G2E3: variants seen among roughly 807,000 people sequenced by gnomAD.
G2E3 encodes G2/M phase-specific E3 ubiquitin-protein ligase.
Under a neutral mutation model 92.8 loss-of-function variants are expected in G2E3, and 35 were observed. That is an observed-to-expected ratio of 0.38 (90% confidence interval 0.29 to 0.50). G2E3 has a LOEUF of 0.50. Ranked by LOEUF, G2E3 falls within the 20% of genes least tolerant of loss-of-function variation. G2E3 has a pLI of 0.94. For missense variants in G2E3, 554 were observed against 823.8 expected (o/e 0.67, Z 4.01); for synonymous variants, 242 against 272.4 (o/e 0.89, Z 1.10).
chr14:30,590,828 T>C (rs1880969422), intron 4 of G2E3: 1 of 446,448 alleles, frequency 2.2e-6, no homozygotes, highest in Non-Finnish European at 4.5e-6. Flanking sequence ...AAAGGTGGTC[T>C]CTAAAGGTCC....
chr14:30,578,414 CA>C (rs1475592977), intron 1 of G2E3, among the ~76,000 whole-genome samples: 1 of 152,178 alleles, frequency 6.6e-6, no homozygotes, highest in African/African-American at 2.4e-5. Flanking sequence ...GTCAGCCTAA[CA>C]CCACCAGGGA....
intron 4 of G2E3, chr14:30,590,795 C>T (rs1449798927): frequency 2.2e-6 from 1 of 454,142 alleles, no homozygotes; most frequent in South Asian, 1.6e-5. Context: ...CCTAAACTTC[C>T]TGGTGATAGT....
intron 1 of G2E3, among the ~76,000 whole-genome samples, chr14:30,563,916 G>A (rs546127074): frequency 2.0e-5 from 3 of 151,986 alleles, no homozygotes; most frequent in South Asian, 2.1e-4. Flanking sequence ...ACAGGGTTTC[G>A]CCATGTTGGT....
chr14:30,560,500 G>A (rs756492198), intron 1 of G2E3: 26 of 341,772 alleles, frequency 7.6e-5, no homozygotes, highest in Admixed American at 1.8e-4. Context: ...TTAAATACTC[G>A]GTGTTTAGGA....
chr14:30,611,820 CTT>C (rs33919348), intron 12 of G2E3: 12 of 151,976 alleles, frequency 7.9e-5, no homozygotes, highest in South Asian at 5.6e-4. Context: ...CACACCAGGC[CTT>C]TTTTTTTTTT....
chr14:30,590,766 A>C (rs1880963126), intron 4 of G2E3: 2 of 455,568 alleles, frequency 4.4e-6, no homozygotes, highest in Non-Finnish European at 8.8e-6. Flanking sequence ...GTTAAACGTG[A>C]GATATTAGTA....
rs544544188 is a variant in G2E3 at position 30,574,939 on chromosome 14, C to G, written c.-4-6137C>G. Among the ~76,000 whole-genome samples, 14 of 152,236 alleles carry G rather than the reference C, an allele frequency of 9.2e-5. No individual in the cohort carries two copies. In the East Asian group the frequency reaches 1.9e-3, roughly 21 times the overall value. Reference sequence around the variant, plus strand: ...GATTTATAGTCCTCTGGCTATATACCCAGTAATGAGATTGCTGGGTAAAAT... The same window carrying G: ...GATTTATAGTCCTCTGGCTATATACGCAGTAATGAGATTGCTGGGTAAAAT... On this transcript the variant is annotated intron_variant, in intron 1 of 14. Coordinates refer to ENST00000206595, the MANE Select transcript of G2E3 (RefSeq NM_017769.5).
chr14:30,585,499 T>C (rs1880660893), intron 2 of G2E3, among the ~76,000 whole-genome samples: 1 of 152,164 alleles, frequency 6.6e-6, no homozygotes. Flanking sequence ...ACTCTTCTTT[T>C]TCATTGATCT....
Position 30,608,042 on chromosome 14 carries a change from C to T in G2E3, c.1473C>T (p.Asp491=), listed in dbSNP as rs759532611. Residue 491 remains aspartate (D), a synonymous_variant, in exon 12 of 15, where the codon GAC becomes GAT. Transcript: ENST00000206595. ...AGCCAATTTTAGATGATGTTTCAGA[C>T]TTTGATGTGGCACAGATTATAATCA... The part of the protein sequence containing the change: ...NTQPILDDVS[D]FDVAQIIIRI... The T allele has an allele frequency of 5.7e-6, 9 of 1,589,334 alleles. No homozygotes were observed. The highest frequency in any genetic ancestry group is 1.8e-5 in the Admixed American group (1 of 54,572).
intron 11 of G2E3, 36 bp from the exon 12 acceptor site, chr14:30,607,852 G>T: frequency 9.2e-7 from 1 of 1,092,352 alleles, no homozygotes; most frequent in Non-Finnish European, 1.3e-6. Flanking sequence ...TATAATAATA[G>T]AAGTGTATTT....
intron 5 of G2E3, among the ~76,000 whole-genome samples, chr14:30,592,901 G>A (rs1881089963): frequency 6.6e-6 from 1 of 152,036 alleles, no homozygotes; most frequent in African/African-American, 2.4e-5. Context: ...TGCTTCCTGA[G>A]TACAACTTTA....
chr14:30,595,650 G>A (rs1881241931), intron 6 of G2E3, among the ~76,000 whole-genome samples: 1 of 152,186 alleles, frequency 6.6e-6, no homozygotes, highest in Non-Finnish European at 1.5e-5. Context: ...CTCGATTAGA[G>A]CATACTAAGG....
rs1164629994 is a variant in G2E3 at position 30,559,208 on chromosome 14, C to G, written c.-69C>G. The G allele has an allele frequency of 1.3e-5, 2 of 152,490 alleles. No individual in the cohort carries two copies. Among genetic ancestry groups the G allele is most frequent in the East Asian group, 1.9e-4 (1 of 5,202 alleles). The allele number at this position is 152,490 out of a possible 1,614,324, so 9.4% of individuals were successfully genotyped here. The stretch of plus-strand genomic sequence containing the variant: ...ATGTGGCTGCTCGCGGTCGGCGTGC[C>G]CCGACGTACAGCGGGCCGGGAAAAG... On this transcript the variant is annotated 5_prime_UTR_variant, in exon 1 of 15. Transcript: ENST00000206595.
chr14:30,572,342 GAACGTTTGTAGAT>G (rs1220224645), intron 1 of G2E3, among the ~76,000 whole-genome samples: 2 of 152,122 alleles, frequency 1.3e-5, no homozygotes, highest in Non-Finnish European at 2.9e-5. Context: ...AGACTAAGGT[GAACGTTTGTAGAT>G]TCCCTTCGCT....
intron 13 of G2E3, among the ~76,000 whole-genome samples, chr14:30,613,044 T>C (rs1882164811): frequency 6.6e-6 from 1 of 152,220 alleles, no homozygotes; most frequent in Non-Finnish European, 1.5e-5. Flanking sequence ...GTAATACATA[T>C]ATTGACCGTT....
intron 2 of G2E3, among the ~76,000 whole-genome samples, chr14:30,583,512 C>T (rs7160985): frequency 0.056 from 8,588 of 152,114 alleles, 312 homozygotes; most frequent in African/African-American, 0.088. Flanking sequence ...TGGTTACCAG[C>T]GGTTGGGAGG....
At chr14:30,613,697 T>C (rs1410298258) in intron 13 of G2E3, among the ~76,000 whole-genome samples, 1 of 150,916 alleles carries the variant, frequency 6.6e-6, no homozygotes, top group Non-Finnish European at 1.5e-5. Context: ...TAATCTATTT[T>C]GTTTTTTTTT....
At chr14:30,602,267 A>G (rs1881606746) in intron 10 of G2E3, 136 bp downstream of exon 10, 1 of 637,228 alleles carries the variant, frequency 1.6e-6, no homozygotes, top group Non-Finnish European at 2.6e-6. Flanking sequence ...AGGACCCAAC[A>G]TTTGATCATG....
intron 10 of G2E3, among the ~76,000 whole-genome samples, chr14:30,604,162 C>G (rs560473767): frequency 1.3e-5 from 2 of 152,320 alleles, no homozygotes; most frequent in South Asian, 4.1e-4. Context: ...ATAGCATCAG[C>G]ATTCCCCTGA....
Sources: gnomAD v4.1 joint callset for allele counts (sites outside exome capture counted in the v4.1 genomes callset) on GRCh38, gnomAD v4.1.1 for gene constraint, MANE v1.5 for transcripts, NCBI Gene and HGNC (gene_info 2026-07-23, HGNC 2026-07-21) for gene names.